DPH6: variants seen among roughly 807,000 people sequenced by gnomAD.
The protein encoded by DPH6 is diphthine--ammonia ligase.
Under a neutral mutation model 38.2 loss-of-function variants are expected in DPH6, and 33 were observed. The ratio of observed to expected loss-of-function variants is 0.86; its 90% CI spans 0.65 to 1.15. The LOEUF (loss-of-function observed/expected upper bound fraction) is 1.15. Ranked by LOEUF, DPH6 falls within the 50% of genes most tolerant of loss-of-function variation. DPH6 has a pLI of 0.00. For synonymous variants in DPH6, 108 were observed against 103.0 expected, an observed-to-expected ratio of 1.05 and a Z score of -0.30; for missense variants, 325 against 320.0, an observed-to-expected ratio of 1.02 and a Z score of -0.12.
intron 5 of DPH6, among the ~76,000 whole-genome samples, chr15:35,422,130 T>TATAA (rs1566903906): frequency 6.6e-6 from 1 of 151,824 alleles, no homozygotes; most frequent in East Asian, 1.9e-4. Context: ...TATATATATA[T>TATAA]AAACCAAATA....
chr15:35,179,567 A>C, the DPH6 span, among the ~76,000 whole-genome samples: 2 of 152,192 alleles, frequency 1.3e-5, no homozygotes, highest in Non-Finnish European at 2.9e-5. Context: ...AAAGACTAGA[A>C]GCCTTTAAAT....
At chr15:35,212,238 G>T in the DPH6 span, among the ~76,000 whole-genome samples, 2 of 151,848 alleles carry the variant, frequency 1.3e-5, no homozygotes, top group East Asian at 1.9e-4. Context: ...TTTTTGGAGG[G>T]GGGATTTACT....
At chr15:35,282,755 GAGA>G (rs2051907697) in intron 3 of DPH6, 1 of 358,062 alleles carries the variant, frequency 2.8e-6, no homozygotes, top group African/African-American at 2.1e-5. Context: ...TGCCATTGTG[GAGA>G]AGTTGTCTAG....
intron 3 of DPH6, among the ~76,000 whole-genome samples, chr15:35,534,656 AAT>A (rs2055141817): frequency 6.6e-6 from 1 of 152,134 alleles, no homozygotes; most frequent in African/African-American, 2.4e-5. Context: ...TACATTTAAA[AAT>A]AAAGATACAT....
chr15:35,223,765 A>G (rs901558429), intron 3 of DPH6, among the ~76,000 whole-genome samples: 7 of 151,920 alleles, frequency 4.6e-5, no homozygotes, highest in Admixed American at 3.9e-4. Context: ...ATATTAATAA[A>G]TTATTATTAA....
the DPH6 span, among the ~76,000 whole-genome samples, chr15:35,174,450 T>C: frequency 6.6e-6 from 1 of 152,216 alleles, no homozygotes; most frequent in African/African-American, 2.4e-5. Context: ...ACCACCTGAG[T>C]CTATAATAGA....
At chr15:35,259,059 C>T (rs1206488865) in intron 3 of DPH6, among the ~76,000 whole-genome samples, 1 of 151,274 alleles carries the variant, frequency 6.6e-6, no homozygotes, top group Non-Finnish European at 1.5e-5. Context: ...GGCAGAGAAT[C>T]GCTTGAACCC....
exon 4 of DPH6, chr15:35,330,909 A>G (rs910910296): frequency 2.0e-5 from 3 of 152,194 alleles, no homozygotes; most frequent in Admixed American, 2.0e-4. Context: ...TTTAAAAAGC[A>G]ATTTTCTTAC....
At chr15:35,360,309 G>A (rs2052603287) in intron 3 of DPH6, among the ~76,000 whole-genome samples, 1 of 151,362 alleles carries the variant, frequency 6.6e-6, no homozygotes, top group Non-Finnish European at 1.5e-5. Flanking sequence ...GGCACAGGTG[G>A]GCACAATTCC....
chr15:35,242,935 T>C (rs2051610555), intron 3 of DPH6, among the ~76,000 whole-genome samples: 1 of 142,162 alleles, frequency 7.0e-6, no homozygotes, highest in African/African-American at 2.6e-5. Context: ...ACACTGTTTT[T>C]CCAAGCCGTC....
At chr15:35,514,493 G>A (rs1753405119) in intron 3 of DPH6, among the ~76,000 whole-genome samples, 1 of 152,082 alleles carries the variant, frequency 6.6e-6, no homozygotes, top group Admixed American at 6.5e-5. Context: ...AAGGAGGGAT[G>A]TCTCACTTTC....
At chr15:35,277,596 C>A (rs958804230) in intron 3 of DPH6, among the ~76,000 whole-genome samples, 1 of 152,024 alleles carries the variant, frequency 6.6e-6, no homozygotes, top group South Asian at 2.1e-4. Flanking sequence ...GAGAAGAAGA[C>A]AGAAAGATGA....
intron 3 of DPH6, among the ~76,000 whole-genome samples, chr15:35,507,124 TCAGA>T (rs139756583): frequency 0.11 from 16,098 of 151,984 alleles, 1,387 homozygotes; most frequent in African/African-American, 0.24. Flanking sequence ...TAGAAAATAA[TCAGA>T]CAGTAATATC....
chr15:35,191,897 C>T, the DPH6 span, among the ~76,000 whole-genome samples: 1 of 152,162 alleles, frequency 6.6e-6, no homozygotes, highest in Non-Finnish European at 1.5e-5. Flanking sequence ...ACTACATAAA[C>T]CTCCCAATTT....
intron 3 of DPH6, among the ~76,000 whole-genome samples, chr15:35,467,002 C>T (rs946491049): frequency 6.6e-6 from 1 of 151,798 alleles, no homozygotes; most frequent in Non-Finnish European, 1.5e-5. Flanking sequence ...TTACTGTACA[C>T]TAATGTAGAT....
intron 3 of DPH6, among the ~76,000 whole-genome samples, chr15:35,229,096 T>C (rs1167703329): frequency 6.6e-5 from 10 of 152,166 alleles, no homozygotes; most frequent in Admixed American, 5.9e-4. Flanking sequence ...TCTTCCCCTA[T>C]GTTTGAAAAA....
At chr15:35,261,269 C>A (rs761408837) in intron 3 of DPH6, among the ~76,000 whole-genome samples, 8 of 152,192 alleles carry the variant, frequency 5.3e-5, no homozygotes, top group Non-Finnish European at 8.8e-5. Context: ...ACACCATTCT[C>A]TTTGCTGTCA....
the DPH6 span, among the ~76,000 whole-genome samples, chr15:35,181,380 T>C: frequency 1.3e-5 from 2 of 151,644 alleles, no homozygotes; most frequent in South Asian, 2.1e-4. Flanking sequence ...TGCCAACATA[T>C]GTAAACGCAG....
At chr15:35,460,903 T>TAAAAAAA (rs549293460) in intron 3 of DPH6, among the ~76,000 whole-genome samples, 1 of 114,764 alleles carries the variant, frequency 8.7e-6, no homozygotes. Flanking sequence ...CACAAACTGG[T>TAAAAAAA]AAAAAAAAAA....
Sources: allele counts gnomAD v4.1 joint callset (sites outside exome capture counted in the v4.1 genomes callset), GRCh38; gene constraint gnomAD v4.1.1; transcripts MANE v1.5; gene names NCBI Gene and HGNC (gene_info 2026-07-23, HGNC 2026-07-21).